Variants in PIP5K1C observed in about 807,000 individuals in gnomAD.
PIP5K1C encodes phosphatidylinositol-4-phosphate 5-kinase type 1 gamma.
A neutral mutation model predicts 80.1 loss-of-function variants in PIP5K1C; 45 were observed. The ratio of observed to expected loss-of-function variants is 0.56; its 90% CI spans 0.44 to 0.72. The LOEUF is 0.72. PIP5K1C is among the 30% of genes least tolerant of loss of function. PIP5K1C has a pLI of 0.00. For missense variants in PIP5K1C, 753 were observed against 954.6 expected (o/e 0.79, Z 2.78); for synonymous variants, 498 against 420.1 (o/e 1.19, Z -2.27).
At chr19:3,634,666 C>T (rs2145362969) in intron 16 of PIP5K1C, among the ~76,000 whole-genome samples, 1 of 152,376 alleles carries the variant, frequency 6.6e-6, no homozygotes, top group African/African-American at 2.4e-5. Flanking sequence ...GTTGCCCAGC[C>T]TGGGCCAGCA....
At position 3,694,381 on chromosome 19, in the gene PIP5K1C, A is replaced by G. The variant is rs531820288; in HGVS notation, c.94+5916T>C. The stretch of plus-strand genomic sequence containing the variant: ...GGTCCCCACTGCCTGCTCACCCCAC[A>G]TCGGCACACACCTGCCACAGTGCCT... On this transcript the variant is annotated intron_variant, in intron 1 of 17. Coordinates refer to ENST00000335312, the MANE Select transcript of PIP5K1C (RefSeq NM_012398.3). 1.4e-3 allele frequency among the ~76,000 whole-genome samples: 207 copies of G among 152,116 alleles called. 1 individual carries two copies. The highest frequency in any genetic ancestry group is 4.4e-3 in the African/African-American group (181 of 41,498).
intron 9 of PIP5K1C, 48 bp from the exon 10 acceptor site, chr19:3,647,434 GC>G: frequency 6.6e-7 from 1 of 1,512,970 alleles, no homozygotes; most frequent in Non-Finnish European, 9.0e-7. Context: ...CCAAGCCCAT[GC>G]CAGGCCACCT....
chr19:3,661,951 G>A lies in PIP5K1C; in HGVS notation c.270C>T (p.Thr90=), dbSNP rs1409839136. Residue 90 remains threonine, a synonymous_variant, in exon 4 of 18, where the codon ACC becomes ACT. Transcript: ENST00000335312. ...CGGGCTTGGAGCTCAGGTGGCCCAC[G>A]GTGTAGCCGATGCCCAGCTGGATGG... ...KGAIQLGIGY[T]VGHLSSKPER... is the part of the protein sequence containing the mutation. 35 of 1,610,724 alleles carry A rather than the reference G, an allele frequency of 2.2e-5. No homozygotes were observed. In the East Asian group the frequency reaches 2.2e-4, roughly 10 times the overall value.
rs536118596 is a variant in PIP5K1C, at chr19:3,656,101, C to T, written c.621+304G>A. Among the ~76,000 whole-genome samples the T allele has an allele frequency of 1.3e-3, 194 of 152,328 alleles. 1 individual carries two copies. The highest frequency in any genetic ancestry group is 4.3e-3 in the African/African-American group (180 of 41,580). ...CGCAGGCTGCTGGTTCTGGGGCCCA[C>T]GGCTCATAGGGGGTGTTGGCAAGGT... On this transcript the variant is annotated intron_variant, in intron 6 of 17. Coordinates refer to ENST00000335312, the MANE Select transcript of PIP5K1C (RefSeq NM_012398.3).
intron 1 of PIP5K1C, among the ~76,000 whole-genome samples, chr19:3,694,186 C>T (rs750313387): frequency 6.9e-6 from 1 of 144,648 alleles, no homozygotes; most frequent in East Asian, 2.0e-4. Flanking sequence ...CACTCCAGCC[C>T]GGGCGAGACA....
chr19:3,657,005 C>G (rs2034656649), intron 5 of PIP5K1C, among the ~76,000 whole-genome samples: 1 of 152,224 alleles, frequency 6.6e-6, no homozygotes, highest in Non-Finnish European at 1.5e-5. Flanking sequence ...ATTTGCCCTT[C>G]TCTCCTTCCC....
At chr19:3,685,275 T>G (rs1446315697) in intron 1 of PIP5K1C, among the ~76,000 whole-genome samples, 1 of 152,180 alleles carries the variant, frequency 6.6e-6, no homozygotes, top group Non-Finnish European at 1.5e-5. Flanking sequence ...GTGTGTGCCC[T>G]TGGCAGCAAC....
chr19:3,692,358 T>A lies in PIP5K1C; in HGVS notation c.94+7939A>T, dbSNP rs1289342930. 6.6e-6 allele frequency among the ~76,000 whole-genome samples: 1 copy of A among 152,136 alleles called. No individual in the cohort carries two copies. The highest frequency in any genetic ancestry group is 1.5e-5 in the Non-Finnish European group (1 of 67,996). On this transcript the variant is annotated intron_variant, in intron 1 of 17. Transcript: ENST00000335312. This position sits in a 1 kb window ranked among gnomAD's most constrained non-coding sequence, Gnocchi z 5.2. ...CCCCAACGCTCCCTACAGGGGCTCC[T>A]GGGGCCTCCCTCGCAGCTCGGCCAT...
intron 1 of PIP5K1C, among the ~76,000 whole-genome samples, chr19:3,690,834 G>C (rs903416983): frequency 2.6e-5 from 4 of 152,198 alleles, no homozygotes; most frequent in Non-Finnish European, 5.9e-5. Context: ...TGAGGTCAGA[G>C]TTCAACCTGA....
intron 11 of PIP5K1C, among the ~76,000 whole-genome samples, chr19:3,644,663 G>A (rs1682319961): frequency 6.6e-6 from 1 of 152,246 alleles, no homozygotes; most frequent in Non-Finnish European, 1.5e-5. Context: ...TGTGGTTAGA[G>A]AAGCCTGTGG....
In PIP5K1C at chr19:3,647,025, G is replaced by A. The variant is rs1265363461; in HGVS notation, c.1260+313C>T. On this transcript the variant is annotated intron_variant, in intron 10 of 17. Coordinates refer to ENST00000335312, the MANE Select transcript of PIP5K1C (RefSeq NM_012398.3). Reference sequence around the variant, plus strand: ...AGGGTGCAGGCGCTCACAGAGGGAGGAGGGATGGGAGGAGGGGTGCAGGTG... The same window carrying A: ...AGGGTGCAGGCGCTCACAGAGGGAGAAGGGATGGGAGGAGGGGTGCAGGTG... Among the ~76,000 whole-genome samples the A allele has an allele frequency of 2.1e-5, 3 of 141,292 alleles. 1 individual carries two copies. Among genetic ancestry groups the A allele is most frequent in the Non-Finnish European group, 3.1e-5 (2 of 65,276 alleles). 92.7% of individuals were successfully genotyped at this position (141,292 alleles called of 152,430 possible).
At chr19:3,653,700 C>G (rs1038025365) in intron 6 of PIP5K1C, 111 bp from the exon 7 acceptor site, 21 of 1,029,154 alleles carry the variant, frequency 2.0e-5, no homozygotes, top group Middle Eastern at 3.2e-4. Flanking sequence ...GGCCAGCCCC[C>G]CTCTCTCCCC....
At chr19:3,682,858 T>G (rs2035629200) in intron 1 of PIP5K1C, among the ~76,000 whole-genome samples, 2 of 152,026 alleles carry the variant, frequency 1.3e-5, no homozygotes, top group African/African-American at 2.4e-5. Context: ...GACTCCTGAC[T>G]CAGAAACTGT....
chr19:3,636,723 T>A (rs2033702931), intron 16 of PIP5K1C: 1 of 986,374 alleles, frequency 1.0e-6, no homozygotes, highest in South Asian at 4.7e-5. Context: ...CACACAGAGG[T>A]GCTCGGAGAG....
chr19:3,664,332 C>T (rs975452152), intron 3 of PIP5K1C, among the ~76,000 whole-genome samples: 2 of 152,116 alleles, frequency 1.3e-5, no homozygotes, highest in African/African-American at 2.4e-5. Context: ...ATTTACTGCA[C>T]ACTTTAAAGG....
intron 15 of PIP5K1C, among the ~76,000 whole-genome samples, chr19:3,640,791 A>G (rs1318583123): frequency 6.6e-6 from 1 of 151,048 alleles, no homozygotes; most frequent in Admixed American, 6.6e-5. Flanking sequence ...GGTTCACGCC[A>G]TTCTCCTGCC....
At chr19:3,675,409 G>A (rs568138477) in intron 1 of PIP5K1C, among the ~76,000 whole-genome samples, 8 of 152,270 alleles carry the variant, frequency 5.3e-5, no homozygotes, top group Middle Eastern at 3.4e-3. Context: ...GTCAAGGCTT[G>A]ACCAGAAGGG....
Position 3,656,692 on chromosome 19 carries a change from G to A in PIP5K1C, c.469-135C>T, listed in dbSNP as rs1200948099. 7.0e-6 allele frequency: 7 copies of A among 1,001,776 alleles called. No homozygotes were observed. In the African/African-American group the frequency reaches 8.0e-5, roughly 11 times the overall value. The allele number at this position is 1,001,776 out of a possible 1,614,324, so 62.1% of individuals were successfully genotyped here. ...TTACAGATGCGGAAAGAGAGGCTCAGAGAGGGCGAGAGACTTGCCTGAGGC... is the reference window on the plus strand; with the variant it reads ...TTACAGATGCGGAAAGAGAGGCTCAAAGAGGGCGAGAGACTTGCCTGAGGC... On this transcript the variant is annotated intron_variant, in intron 5 of 17. Transcript: ENST00000335312.
At chr19:3,690,975 G>A (rs1323881290) in intron 1 of PIP5K1C, among the ~76,000 whole-genome samples, 1 of 152,172 alleles carries the variant, frequency 6.6e-6, no homozygotes, top group Non-Finnish European at 1.5e-5. Context: ...CCCTGGTGGG[G>A]ACACTCCATT....
Sources: allele counts gnomAD v4.1 joint callset (sites outside exome capture counted in the v4.1 genomes callset), GRCh38; gene constraint gnomAD v4.1.1; non-coding constraint Gnocchi (gnomAD v3.1); transcripts MANE v1.5; gene names NCBI Gene and HGNC (gene_info 2026-07-23, HGNC 2026-07-21).